The following AGBL1 variants were observed in gnomAD, a reference collection of about 807,000 sequenced individuals.
The protein encoded by AGBL1 is AGBL carboxypeptidase 1.
Under a neutral mutation model 118.9 loss-of-function variants are expected in AGBL1, and 130 were observed. The ratio of observed to expected loss-of-function variants is 1.09; its 90% CI spans 0.95 to 1.26. The LOEUF (loss-of-function observed/expected upper bound fraction) is 1.26, where lower values mean the gene tolerates loss of function less well. AGBL1 is among the 50% of genes most tolerant of loss of function. The pLI is 0.00. For synonymous variants in AGBL1, 555 were observed against 478.9 expected (o/e 1.16, Z -2.08); for missense variants, 1,584 against 1,298.1 (o/e 1.22, Z -3.38).
intron 22 of AGBL1, among the ~76,000 whole-genome samples, chr15:86,734,713 A>G (rs1036546265): frequency 2.0e-5 from 3 of 152,102 alleles, no homozygotes; most frequent in Non-Finnish European, 2.9e-5. Context: ...AGGAGACAAC[A>G]CTGGCTCTTT....
chr15:86,099,530 G>A (rs928906814), intron 1 of AGBL1, among the ~76,000 whole-genome samples: 3 of 150,646 alleles, frequency 2.0e-5, no homozygotes, highest in African/African-American at 7.3e-5. Context: ...GTTTTCCAAT[G>A]TGGATGCCTA....
intron 21 of AGBL1, among the ~76,000 whole-genome samples, chr15:86,667,210 GTATCTATGTATGTA>G (rs1567111781): frequency 8.3e-5 from 4 of 47,926 alleles, no homozygotes; most frequent in African/African-American, 1.5e-4. Flanking sequence ...ATCTATGTAT[GTATCTATGTATGTA>G]TGTATGTATG....
At chr15:86,743,954 T>A (rs184304411) in intron 22 of AGBL1, among the ~76,000 whole-genome samples, 39 of 152,230 alleles carry the variant, frequency 2.6e-4, no homozygotes, top group Admixed American at 1.2e-3. Context: ...TAGGAAAAGA[T>A]AACTTAGAAG....
chr15:86,308,603 T>C (rs1375620074), intron 17 of AGBL1, among the ~76,000 whole-genome samples: 2 of 152,268 alleles, frequency 1.3e-5, no homozygotes, highest in Non-Finnish European at 2.9e-5. Context: ...TTTTTGTATA[T>C]GGTGTAAGAT....
At chr15:86,417,824 A>T (rs544238850) in intron 18 of AGBL1, among the ~76,000 whole-genome samples, 1 of 152,220 alleles carries the variant, frequency 6.6e-6, no homozygotes, top group Admixed American at 6.5e-5. Context: ...GATGACCACC[A>T]TTATTATTCT....
intron 22 of AGBL1, among the ~76,000 whole-genome samples, chr15:86,872,475 C>T (rs998857783): frequency 2.6e-5 from 4 of 152,050 alleles, no homozygotes; most frequent in African/African-American, 4.8e-5. Context: ...GACAAGAGGC[C>T]GTGGGTGCAG....
intron 21 of AGBL1, among the ~76,000 whole-genome samples, chr15:86,563,341 G>A (rs1360930430): frequency 1.3e-5 from 2 of 152,110 alleles, no homozygotes; most frequent in Non-Finnish European, 2.9e-5. Flanking sequence ...CTGGTATGTT[G>A]TGTGTTTGTT....
At chr15:86,633,848 GTA>G (rs1184616738) in intron 21 of AGBL1, among the ~76,000 whole-genome samples, 490 of 39,916 alleles carry the variant, frequency 0.012, 3 homozygotes, top group African/African-American at 0.043. Context: ...TATATATAAT[GTA>G]TATATATATA....
chr15:86,871,142 C>A (rs556425693), intron 22 of AGBL1, among the ~76,000 whole-genome samples: 1 of 152,144 alleles, frequency 6.6e-6, no homozygotes, highest in African/African-American at 2.4e-5. Context: ...TCAGAAAAGC[C>A]GTTGTCATTT....
rs558518688 is a variant in AGBL1 at position 86,893,009 on chromosome 15, G to C, written c.3159-14078G>C. On this transcript the variant is annotated intron_variant, in intron 22 of 22. Transcript: ENST00000614907. ...CACAGCTCTGCTCCTGGAGAAAATA[G>C]ATAGAAGGTCAAGGGAGAATAGCAG... is the stretch of plus-strand genomic sequence containing the variant. 2.0e-5 allele frequency among the ~76,000 whole-genome samples: 3 copies of C among 152,272 alleles called. No individual in the cohort carries two copies. In the East Asian group the frequency reaches 5.8e-4, roughly 29 times the overall value.
chr15:86,167,605 C>T (rs1435971012), intron 5 of AGBL1, among the ~76,000 whole-genome samples: 1 of 152,174 alleles, frequency 6.6e-6, no homozygotes, highest in Non-Finnish European at 1.5e-5. Flanking sequence ...CACACTCAGG[C>T]ACCATAAATT....
chr15:86,400,173 C>T (rs1208816777), intron 18 of AGBL1, among the ~76,000 whole-genome samples: 1 of 152,106 alleles, frequency 6.6e-6, no homozygotes, highest in East Asian at 1.9e-4. Context: ...CATGCCCACT[C>T]TGTTGTGTAT....
At chr15:86,452,290 T>A (rs1322347367) in intron 18 of AGBL1, among the ~76,000 whole-genome samples, 1 of 152,154 alleles carries the variant, frequency 6.6e-6, no homozygotes, top group Non-Finnish European at 1.5e-5. Flanking sequence ...CTTTCTTGAG[T>A]GTCATTCCAC....
At chr15:86,396,470 G>T (rs1442918836) in intron 17 of AGBL1, among the ~76,000 whole-genome samples, 2 of 151,988 alleles carry the variant, frequency 1.3e-5, no homozygotes, top group Non-Finnish European at 2.9e-5. Context: ...GTGTTTTCCT[G>T]ACTCCCTTTG....
chr15:86,449,488 C>A (rs1026878179), intron 18 of AGBL1, among the ~76,000 whole-genome samples: 7 of 152,174 alleles, frequency 4.6e-5, no homozygotes, highest in Admixed American at 4.6e-4. Flanking sequence ...GATGGCAAGA[C>A]CTGGGATTGA....
chr15:86,258,881 A>G (rs2078939249), intron 9 of AGBL1, among the ~76,000 whole-genome samples: 1 of 152,048 alleles, frequency 6.6e-6, no homozygotes, highest in African/African-American at 2.4e-5. Context: ...TAATTTTTGT[A>G]TTTTTAGTAG....
chr15:86,799,390 C>G (rs976128317), intron 22 of AGBL1, among the ~76,000 whole-genome samples: 1 of 151,952 alleles, frequency 6.6e-6, no homozygotes, highest in African/African-American at 2.4e-5. Flanking sequence ...ACAGAAATTG[C>G]CCTTGCAAGG....
At chr15:86,592,992 T>G (rs2084358673) in intron 21 of AGBL1, among the ~76,000 whole-genome samples, 2 of 152,150 alleles carry the variant, frequency 1.3e-5, no homozygotes. Flanking sequence ...TATTTACTAG[T>G]TATCATTCTA....
chr15:86,533,263 A>G (rs1016303917), intron 19 of AGBL1, among the ~76,000 whole-genome samples: 2 of 106,302 alleles, frequency 1.9e-5, no homozygotes, highest in Admixed American at 8.4e-5. Context: ...ACAAATTTAC[A>G]AGAAAAAAAC....
Sources: allele counts gnomAD v4.1 joint callset (sites outside exome capture counted in the v4.1 genomes callset), GRCh38; gene constraint gnomAD v4.1.1; transcripts MANE v1.5; gene names NCBI Gene and HGNC (gene_info 2026-07-23, HGNC 2026-07-21).